Variants in TNIK observed in about 807,000 individuals in gnomAD.
TNIK encodes the protein TRAF2 and NCK interacting kinase, also known as TRAF2 and NCK-interacting protein kinase.
TNIK carries 49 observed loss-of-function variants against 191.3 expected under a neutral mutation model. The observed-to-expected ratio is 0.26, with a 90% CI of 0.20 to 0.32. The LOEUF (loss-of-function observed/expected upper bound fraction) is 0.32, where lower values mean the gene tolerates loss of function less well. Ranked by LOEUF, TNIK falls within the 10% of genes least tolerant of loss-of-function variation. TNIK has a pLI of 1.00. For synonymous variants in TNIK, 594 were observed against 600.9 expected, an observed-to-expected ratio of 0.99 and a Z score of 0.17; for missense variants, 1,155 against 1,702.3, an observed-to-expected ratio of 0.68 and a Z score of 5.66.
At chr3:171,334,775 C>T (rs1326140376) in intron 2 of TNIK, among the ~76,000 whole-genome samples, 1 of 152,134 alleles carries the variant, frequency 6.6e-6, no homozygotes, top group African/African-American at 2.4e-5. Flanking sequence ...GGGCTTCAAA[C>T]ACTCCAGTAA....
intron 1 of TNIK, among the ~76,000 whole-genome samples, chr3:171,428,600 A>C (rs2108652650): frequency 6.6e-6 from 1 of 152,192 alleles, no homozygotes; most frequent in African/African-American, 2.4e-5. Flanking sequence ...TCACTTTCTC[A>C]AGGGCTCCGC....
chr3:171,173,974 T>C (rs564220177), intron 9 of TNIK, among the ~76,000 whole-genome samples: 2 of 152,084 alleles, frequency 1.3e-5, no homozygotes, highest in East Asian at 3.9e-4. Flanking sequence ...TGACACCCAA[T>C]GGGAGGGCTG....
chr3:171,231,007 T>A (rs1743556981), intron 2 of TNIK, among the ~76,000 whole-genome samples: 1 of 152,234 alleles, frequency 6.6e-6, no homozygotes, highest in Admixed American at 6.5e-5. Flanking sequence ...TCTGCCAGCA[T>A]GCACTTTGAG....
At chr3:171,090,581 T>C (rs58945643) in intron 23 of TNIK, among the ~76,000 whole-genome samples, 4,213 of 152,138 alleles carry the variant, frequency 0.028, 188 homozygotes, top group African/African-American at 0.088. Flanking sequence ...CAAAGGTCCA[T>C]GGAGTCCCAG....
At position 171,100,501 on chromosome 3, in the gene TNIK, T is replaced by C. The variant is rs185658219; in HGVS notation, c.2591+948A>G. Among the ~76,000 whole-genome samples, 297 of 152,214 alleles carry C rather than the reference T, an allele frequency of 2.0e-3. 1 individual carries two copies. Among genetic ancestry groups the C allele is most frequent in the Admixed American group, 5.3e-3 (81 of 15,274 alleles). On this transcript the variant is annotated intron_variant, in intron 22 of 32. Coordinates refer to ENST00000436636, the MANE Select transcript of TNIK (RefSeq NM_015028.4). ...TAATTTGTGGCCTGAAATGGCTTCTTTTTTATATAGAGTGAGTGTGAACTG... is the reference window on the plus strand; with the variant it reads ...TAATTTGTGGCCTGAAATGGCTTCTCTTTTATATAGAGTGAGTGTGAACTG...
intron 1 of TNIK, among the ~76,000 whole-genome samples, chr3:171,416,525 T>C (rs548865087): frequency 2.6e-5 from 4 of 152,184 alleles, no homozygotes; most frequent in South Asian, 4.1e-4. Flanking sequence ...AAGCTGAATA[T>C]GGATGGCATA....
intron 9 of TNIK, among the ~76,000 whole-genome samples, chr3:171,174,738 G>A (rs1355972315): frequency 6.6e-6 from 1 of 152,110 alleles, no homozygotes; most frequent in African/African-American, 2.4e-5. Flanking sequence ...CCCCAAATAA[G>A]AAGCCAGTAT....
At chr3:171,092,949 A>C (rs923691849) in intron 23 of TNIK, among the ~76,000 whole-genome samples, 3 of 152,232 alleles carry the variant, frequency 2.0e-5, no homozygotes, top group African/African-American at 7.2e-5. Context: ...GGAGAGAGTG[A>C]AATAAAATAG....
chr3:171,107,251 AAAAGCCAGCAG>A, intron 20 of TNIK, 45 bp from the exon 21 acceptor site: 1 of 1,589,546 alleles, frequency 6.3e-7, no homozygotes, highest in South Asian at 1.2e-5. Flanking sequence ...CAGAAGGAGG[AAAAGCCAGCAG>A]AAAGGCAGCA....
chr3:171,459,920 G>GGCCCC, intron 1 of TNIK, 87 bp downstream of exon 1: 4 of 1,157,382 alleles, frequency 3.5e-6, no homozygotes, highest in Non-Finnish European at 3.7e-6. Context: ...CTGTCCCCCT[G>GGCCCC]CCCCAGCCCC....
intron 4 of TNIK, among the ~76,000 whole-genome samples, chr3:171,203,764 TG>T (rs1739710483): frequency 6.6e-6 from 1 of 152,226 alleles, no homozygotes; most frequent in Non-Finnish European, 1.5e-5. Flanking sequence ...GGTTTGACTC[TG>T]GGTCTCCAGA....
chr3:171,373,450 C>A (rs1716804908), intron 1 of TNIK, among the ~76,000 whole-genome samples: 1 of 152,150 alleles, frequency 6.6e-6, no homozygotes, highest in Admixed American at 6.5e-5. Context: ...GATCTTATCT[C>A]CAAATGTCCA....
intron 1 of TNIK, among the ~76,000 whole-genome samples, chr3:171,416,626 A>G (rs1723120569): frequency 1.3e-5 from 2 of 152,232 alleles, no homozygotes; most frequent in Non-Finnish European, 2.9e-5. Flanking sequence ...GCAAGTAATC[A>G]TTAAGCATTT....
At chr3:171,455,075 C>A (rs1282629411) in intron 1 of TNIK, among the ~76,000 whole-genome samples, 2 of 152,162 alleles carry the variant, frequency 1.3e-5, no homozygotes, top group Admixed American at 1.3e-4. Flanking sequence ...GCACTTACCT[C>A]ATATGTAATG....
intron 7 of TNIK, among the ~76,000 whole-genome samples, chr3:171,177,739 A>G (rs1015636681): frequency 6.6e-6 from 1 of 152,244 alleles, no homozygotes; most frequent in African/African-American, 2.4e-5. Context: ...CCTAAAGTAC[A>G]CCATTTGATA....
intron 1 of TNIK, among the ~76,000 whole-genome samples, chr3:171,404,168 G>A (rs1721358512): frequency 6.6e-6 from 1 of 152,104 alleles, no homozygotes; most frequent in African/African-American, 2.4e-5. Context: ...TTTTTAATGG[G>A]GGCTCTATGA....
intron 22 of TNIK, among the ~76,000 whole-genome samples, chr3:171,099,820 T>G (rs1455913460): frequency 6.6e-6 from 1 of 152,170 alleles, no homozygotes; most frequent in African/African-American, 2.4e-5. Flanking sequence ...GTCCTAGATT[T>G]GCCTTTAAAG....
At chr3:171,336,216 G>A (rs1297224260) in intron 2 of TNIK, among the ~76,000 whole-genome samples, 3 of 151,888 alleles carry the variant, frequency 2.0e-5, no homozygotes, top group Non-Finnish European at 4.4e-5. Context: ...CATTTTCCAC[G>A]GCAAATTTCC....
chr3:171,139,378 G>GCACACGCA (rs1730473066), intron 14 of TNIK, 92 bp downstream of exon 14: 1 of 630,966 alleles, frequency 1.6e-6, no homozygotes, highest in East Asian at 3.3e-5. Flanking sequence ...ACGCACGCGC[G>GCACACGCA]CACACACACA....
Sources: gnomAD v4.1 joint callset for allele counts (sites outside exome capture counted in the v4.1 genomes callset) on GRCh38, gnomAD v4.1.1 for gene constraint, MANE v1.5 for transcripts, NCBI Gene and HGNC (gene_info 2026-07-23, HGNC 2026-07-21) for gene names.